Variants in CHRM3 observed in about 807,000 individuals in gnomAD.
CHRM3 encodes muscarinic acetylcholine receptor M3.
Under a neutral mutation model 41.8 loss-of-function variants are expected in CHRM3, and 11 were observed. The observed-to-expected ratio is 0.26, with a 90% CI of 0.17 to 0.44. The LOEUF (loss-of-function observed/expected upper bound fraction) is 0.44, where lower values mean the gene tolerates loss of function less well. Ranked by LOEUF, CHRM3 falls within the 20% of genes least tolerant of loss-of-function variation. The pLI, the probability that CHRM3 is intolerant of heterozygous loss-of-function variation, is 1.00. For synonymous variants in CHRM3, 297 were observed against 301.4 expected (o/e 0.99, Z 0.15); for missense variants, 571 against 745.4 (o/e 0.77, Z 2.72).
chr1:239,395,740 T>C (rs1268232990), intron 1 of CHRM3, among the ~76,000 whole-genome samples: 1 of 152,184 alleles, frequency 6.6e-6, no homozygotes, highest in African/African-American at 2.4e-5. Flanking sequence ...AAAGGCTTTA[T>C]GTTTTAGCTT....
At chr1:239,555,424 C>T (rs1280759212) in intron 3 of CHRM3, among the ~76,000 whole-genome samples, 1 of 152,100 alleles carries the variant, frequency 6.6e-6, no homozygotes, top group East Asian at 1.9e-4. Context: ...GACCTTGTGA[C>T]AAAATGAGGT....
At chr1:239,827,657 CAT>C (rs796280854) in intron 6 of CHRM3, among the ~76,000 whole-genome samples, 36 of 152,240 alleles carry the variant, frequency 2.4e-4, no homozygotes, top group African/African-American at 7.9e-4. Context: ...ACCTATTACT[CAT>C]ATTATTTTTG....
At chr1:239,569,296 A>G (rs765438483) in intron 3 of CHRM3, among the ~76,000 whole-genome samples, 5 of 152,202 alleles carry the variant, frequency 3.3e-5, no homozygotes, top group Non-Finnish European at 5.9e-5. Flanking sequence ...ACAATGACAG[A>G]TAAAGCTTTC....
At position 239,444,042 on chromosome 1, in the gene CHRM3, AT is replaced by A. The variant is rs559655058; in HGVS notation, c.-520-48662del. Among the ~76,000 whole-genome samples, 155 of 152,148 alleles carry A rather than the reference AT, an allele frequency of 1.0e-3. 1 individual carries two copies. Among genetic ancestry groups the A allele is most frequent in the Non-Finnish European group, 1.9e-3 (132 of 68,022 alleles). On this transcript the variant is annotated intron_variant, in intron 1 of 6. Transcript: ENST00000676153. Reference sequence around the variant, plus strand: ...TCTGCTCTTAGTAATTGCAGTCACAATTTTTGAGTACTGGGAGTCAGGCACC... The same window carrying A: ...TCTGCTCTTAGTAATTGCAGTCACAATTTTGAGTACTGGGAGTCAGGCACC...
chr1:239,779,044 A>G (rs1558114930), intron 5 of CHRM3, among the ~76,000 whole-genome samples: 1 of 152,170 alleles, frequency 6.6e-6, no homozygotes, highest in Non-Finnish European at 1.5e-5. Context: ...TATTTGCTTA[A>G]TATTTCCATC....
At chr1:239,803,533 G>A (rs958273397) in intron 5 of CHRM3, among the ~76,000 whole-genome samples, 2 of 152,082 alleles carry the variant, frequency 1.3e-5, no homozygotes, top group Admixed American at 1.3e-4. Flanking sequence ...AGAGTCCTAG[G>A]GAATATTTTC....
At chr1:239,546,560 A>C (rs921583275) in intron 3 of CHRM3, 3 of 152,176 alleles carry the variant, frequency 2.0e-5, no homozygotes, top group Admixed American at 6.5e-5. Context: ...ATAAATGATA[A>C]AATCCTCATT....
intron 6 of CHRM3, among the ~76,000 whole-genome samples, chr1:239,832,684 G>A (rs889420985): frequency 4.0e-5 from 6 of 151,876 alleles, no homozygotes; most frequent in Middle Eastern, 3.4e-3. Flanking sequence ...GGAAGAACAC[G>A]TTCATCCTAG....
chr1:239,555,572 A>G (rs1660272642), intron 3 of CHRM3, among the ~76,000 whole-genome samples: 1 of 152,178 alleles, frequency 6.6e-6, no homozygotes, highest in Non-Finnish European at 1.5e-5. Context: ...TGCCACGGCA[A>G]TGGTTACTGC....
At chr1:239,428,249 A>C (rs1034573404) in intron 1 of CHRM3, among the ~76,000 whole-genome samples, 50 of 152,240 alleles carry the variant, frequency 3.3e-4, no homozygotes, top group Admixed American at 3.3e-3. Flanking sequence ...TTAGGGTCTG[A>C]CAGTAGCAGA....
At chr1:239,428,451 G>A (rs1662569023) in intron 1 of CHRM3, among the ~76,000 whole-genome samples, 1 of 152,206 alleles carries the variant, frequency 6.6e-6, no homozygotes, top group Admixed American at 6.5e-5. Flanking sequence ...CAAAGATGCA[G>A]TCTTTGTATT....
chr1:239,509,215 A>C (rs1668767495), intron 2 of CHRM3, among the ~76,000 whole-genome samples: 2 of 152,272 alleles, frequency 1.3e-5, no homozygotes, highest in South Asian at 2.1e-4. Context: ...TATTTAGTTA[A>C]TTTTATTTAT....
chr1:239,596,618 A>C (rs1238554692), intron 3 of CHRM3, among the ~76,000 whole-genome samples: 1 of 152,134 alleles, frequency 6.6e-6, no homozygotes, highest in African/African-American at 2.4e-5. Context: ...TTAATTAATA[A>C]ATTAATTGAT....
intron 2 of CHRM3, among the ~76,000 whole-genome samples, chr1:239,535,536 C>T (rs145123123): frequency 2.7e-5 from 4 of 150,362 alleles, no homozygotes; most frequent in African/African-American, 9.8e-5. Context: ...GCACCCCATA[C>T]CTACATCGAG....
intron 6 of CHRM3, among the ~76,000 whole-genome samples, chr1:239,896,890 C>G (rs1462575575): frequency 6.6e-6 from 1 of 152,160 alleles, no homozygotes; most frequent in Admixed American, 6.5e-5. Flanking sequence ...AATGTTAGCT[C>G]TTGTTAGGCA....
intron 3 of CHRM3, among the ~76,000 whole-genome samples, chr1:239,587,804 A>C (rs1663582661): frequency 6.6e-6 from 1 of 152,228 alleles, no homozygotes; most frequent in African/African-American, 2.4e-5. Flanking sequence ...ACTTGAACCT[A>C]AATAAACTTT....
chr1:239,506,639 G>T (rs183013890), intron 2 of CHRM3, among the ~76,000 whole-genome samples: 2 of 152,308 alleles, frequency 1.3e-5, no homozygotes, highest in East Asian at 3.9e-4. Context: ...CCCACACAGA[G>T]TCCCTACTGG....
intron 3 of CHRM3, among the ~76,000 whole-genome samples, chr1:239,565,914 T>G (rs545161828): frequency 7.5e-5 from 11 of 146,710 alleles, no homozygotes; most frequent in Non-Finnish European, 1.5e-4. Context: ...TTTTTTCTTT[T>G]TTTTTTTTTT....
chr1:239,399,998 G>A (rs540201695), intron 1 of CHRM3, among the ~76,000 whole-genome samples: 122 of 152,010 alleles, frequency 8.0e-4, no homozygotes, highest in African/African-American at 2.7e-3. Flanking sequence ...CTGCAACCTC[G>A]GTCTTCTGGT....
Sources: gnomAD v4.1 joint callset for allele counts (sites outside exome capture counted in the v4.1 genomes callset) on GRCh38, gnomAD v4.1.1 for gene constraint, MANE v1.5 for transcripts, NCBI Gene and HGNC (gene_info 2026-07-23, HGNC 2026-07-21) for gene names.